CMYA5: variants seen among roughly 807,000 people sequenced by gnomAD.
The protein encoded by CMYA5 is cardiomyopathy associated 5, also known as cardiomyopathy-associated protein 5.
Under a neutral mutation model 318.9 loss-of-function variants are expected in CMYA5, and 246 were observed. The ratio of observed to expected loss-of-function variants is 0.77; its 90% confidence interval spans 0.70 to 0.86. The LOEUF (loss-of-function observed/expected upper bound fraction) is 0.86. Among genes scored for constraint, CMYA5 ranks in the 40% least tolerant of loss-of-function variants. The pLI, the probability that CMYA5 is intolerant of heterozygous loss-of-function variation, is 0.00. For missense variants in CMYA5, 4,589 were observed against 4,678.2 expected (o/e 0.98, Z 0.56); for synonymous variants, 1,641 against 1,729.5 (o/e 0.95, Z 1.27).
At position 79,731,608 on chromosome 5, in the gene CMYA5, A is replaced by T; in HGVS notation, c.2843A>T (p.Asp948Val). 6.2e-7 allele frequency: 1 copy of T among 1,613,620 alleles called. No individual in the cohort carries two copies. Among genetic ancestry groups the T allele is most frequent in the East Asian group, 2.2e-5 (1 of 44,888 alleles). Residue 948 changes from aspartate (D) to valine (V), a missense_variant, in exon 2 of 13, where the codon GAT becomes GTT. Physicochemically the swap from Asp to Val is radical, Grantham distance 152 (BLOSUM62 -3). This residue lies in a region of CMYA5 where 2,132 missense variants were observed against 2,131.3 expected (regional missense o/e 1.00). Transcript: ENST00000446378. ...DQEDIGPFSP[D>V]SAFVSEFSFP... Reference sequence around the variant, plus strand: ...GAAGACATTGGACCTTTTTCTCCAGATTCTGCATTTGTGTCAGAATTCTCA... The same window carrying T: ...GAAGACATTGGACCTTTTTCTCCAGTTTCTGCATTTGTGTCAGAATTCTCA...
rs1026462537 is a variant in CMYA5 at position 79,734,911 on chromosome 5, A to G, written c.6146A>G (p.Gln2049Arg). 4 of 1,613,884 alleles carry G rather than the reference A, an allele frequency of 2.5e-6. No individual in the cohort carries two copies. The highest frequency in any genetic ancestry group is 3.4e-6 in the Non-Finnish European group (4 of 1,179,798). ...AAACTACCTCCTGAAAGATTCTTCC[A>G]GAAACCAGTGTCTGGCCTATCAGTG... ...KIKLPPERFF[Q>R]KPVSGLSVEQ... Residue 2049 changes from glutamine to arginine, a missense_variant, in exon 2 of 13, where the codon CAG (glutamine) becomes CGG (arginine). Transcript: ENST00000446378.
At position 79,738,554 on chromosome 5, in the gene CMYA5, A is replaced by G; in HGVS notation, c.9789A>G (p.Glu3263=). ...AAAAGGACCAGGGCCAAGGTCTGGA[A>G]GAAAAACGAGTTGGTAAGGATGATT... ...LTQKDQGQGL[E]EKRVGKDDSY... is the part of the protein sequence containing the mutation. Residue 3263 remains glutamate (E), a synonymous_variant, in exon 2 of 13, where the codon GAA becomes GAG. Transcript: ENST00000446378. The G allele has an allele frequency of 6.2e-7, 1 of 1,613,558 alleles. No homozygotes were observed. Among genetic ancestry groups the G allele is most frequent in the Non-Finnish European group, 8.5e-7 (1 of 1,179,866 alleles).
chr5:79,738,613 G>A lies in CMYA5; in HGVS notation c.9848G>A (p.Trp3283Ter). Residue 3283 changes from tryptophan (W) to a stop codon, truncating the protein, a stop_gained, in exon 2 of 13, where the codon TGG (tryptophan) becomes TAG (stop). Coordinates refer to ENST00000446378, the MANE Select transcript of CMYA5 (RefSeq NM_153610.5). LOFTEE classifies it high-confidence loss of function. ...CCGATAGCTGCAGAAGGGGAAATTTGGGGAAAGTTTGGAACTATTTGCAGG... is the reference window on the plus strand; with the variant it reads ...CCGATAGCTGCAGAAGGGGAAATTTAGGGAAAGTTTGGAACTATTTGCAGG... ...YQPIAAEGEI[W>*]GKFGTICREK... 6.2e-7 allele frequency: 1 copy of A among 1,613,804 alleles called. No individual in the cohort carries two copies. The highest frequency in any genetic ancestry group is 8.5e-7 in the Non-Finnish European group (1 of 1,179,844).
chr5:79,693,247 A>G (rs1236962360), intron 1 of CMYA5, among the ~76,000 whole-genome samples: 1 of 152,194 alleles, frequency 6.6e-6, no homozygotes, highest in Non-Finnish European at 1.5e-5. Context: ...AGGATTTTAG[A>G]GCTAGCAGAG....
intron 6 of CMYA5, among the ~76,000 whole-genome samples, chr5:79,754,556 A>G (rs1828492305): frequency 1.3e-5 from 2 of 152,300 alleles, no homozygotes; most frequent in South Asian, 4.1e-4. Flanking sequence ...TCTGCCCCAC[A>G]GCGAAAAGGC....
Position 79,736,842 on chromosome 5 carries a change from A to G in CMYA5, c.8077A>G (p.Thr2693Ala). The change falls in exon 2 of 13, where the codon ACT (threonine) becomes GCT (alanine). Residue 2693 changes from threonine (T) to alanine (A), a missense_variant. Physicochemically the swap from Thr to Ala is moderately conservative, Grantham distance 58. This residue lies in a region of CMYA5 where 2,431 missense variants were observed against 2,495.1 expected (regional missense o/e 0.97). Coordinates refer to ENST00000446378, the MANE Select transcript of CMYA5 (RefSeq NM_153610.5). Reference protein sequence around the residue: ...KGGSVDITKETVKQGFQEKAV... With the variant: ...KGGSVDITKEAVKQGFQEKAV... Reference sequence around the variant, plus strand: ...CGGTTCAGTAGATATCACAAAAGAAACTGTGAAACAAGGATTTCAAGAAAA... The same window carrying G: ...CGGTTCAGTAGATATCACAAAAGAAGCTGTGAAACAAGGATTTCAAGAAAA... 1 of 1,611,522 alleles carries G rather than the reference A, an allele frequency of 6.2e-7. No individual in the cohort carries two copies. Among genetic ancestry groups the G allele is most frequent in the South Asian group, 1.1e-5 (1 of 90,968 alleles).
In CMYA5 at chr5:79,738,640, A is replaced by G; in HGVS notation, c.9875A>G (p.Glu3292Gly). The change falls in exon 2 of 13, where the codon GAG (glutamate) becomes GGG (glycine). Residue 3292 changes from glutamate (E) to glycine (G), a missense_variant. Transcript: ENST00000446378. ...GGAAAGTTTGGAACTATTTGCAGGG[A>G]GAAGAGTCTGGAAGAACAGAAAGGT... is the stretch of plus-strand genomic sequence containing the variant. ...IWGKFGTICREKSLEEQKGVY... is the reference protein window; with the variant it reads ...IWGKFGTICRGKSLEEQKGVY... The G allele has an allele frequency of 6.2e-7, 1 of 1,613,902 alleles. No homozygotes were observed. Among genetic ancestry groups the G allele is most frequent in the East Asian group, 2.2e-5 (1 of 44,882 alleles).
At chr5:79,789,534 C>T (rs1829139604) in intron 10 of CMYA5, among the ~76,000 whole-genome samples, 1 of 152,052 alleles carries the variant, frequency 6.6e-6, no homozygotes, top group Admixed American at 6.5e-5. Flanking sequence ...AAGTGATTCT[C>T]ATGCCTCAGC....
Position 79,732,074 on chromosome 5 carries a change from A to G in CMYA5, c.3309A>G (p.Val1103=). Residue 1103 remains valine, a synonymous_variant, in exon 2 of 13, where the codon GTA becomes GTG. Coordinates refer to ENST00000446378, the MANE Select transcript of CMYA5 (RefSeq NM_153610.5). The part of the protein sequence containing the change: ...KPEIPTTSTS[V]SEYLILAQKQ... ...AGATTCCAACAACCTCAACATCTGT[A>G]TCTGAATATCTCATTTTGGCACAGA... is the stretch of plus-strand genomic sequence containing the variant. 6.2e-7 allele frequency: 1 copy of G among 1,613,988 alleles called. No homozygotes were observed. Among genetic ancestry groups the G allele is most frequent in the South Asian group, 1.1e-5 (1 of 91,072 alleles).
intron 2 of CMYA5, among the ~76,000 whole-genome samples, chr5:79,743,303 C>T (rs942361178): frequency 9.2e-5 from 14 of 152,134 alleles, no homozygotes; most frequent in African/African-American, 3.1e-4. Context: ...TATTTTAACC[C>T]TTTGAGGGTC....
intron 9 of CMYA5, among the ~76,000 whole-genome samples, chr5:79,767,540 C>G (rs568871625): frequency 6.6e-6 from 1 of 152,280 alleles, no homozygotes; most frequent in African/African-American, 2.4e-5. Flanking sequence ...TTATTTATTT[C>G]TGACTTAATT....
At chr5:79,718,927 A>G (rs1561200736) in intron 1 of CMYA5, among the ~76,000 whole-genome samples, 1 of 152,156 alleles carries the variant, frequency 6.6e-6, no homozygotes, top group Non-Finnish European at 1.5e-5. Context: ...TCTCTCTGTA[A>G]TAGACTCTAC....
intron 1 of CMYA5, among the ~76,000 whole-genome samples, chr5:79,701,773 A>C (rs1250566475): frequency 6.6e-6 from 1 of 152,244 alleles, no homozygotes; most frequent in Admixed American, 6.5e-5. Context: ...ATTAATATTC[A>C]TAGCATCATT....
chr5:79,750,399 T>C (rs1039970121), intron 5 of CMYA5, among the ~76,000 whole-genome samples: 1 of 152,220 alleles, frequency 6.6e-6, no homozygotes, highest in Admixed American at 6.5e-5. Flanking sequence ...CTTGAGGTTA[T>C]TGGTAAGGCT....
intron 9 of CMYA5, among the ~76,000 whole-genome samples, chr5:79,785,645 CTTA>C (rs1829070378): frequency 6.6e-6 from 1 of 151,948 alleles, no homozygotes; most frequent in Non-Finnish European, 1.5e-5. Context: ...ACTGAATTCT[CTTA>C]TTATGTAAGA....
rs1348484592 is a variant in CMYA5, at chr5:79,732,457, CAA to C, written c.3694_3695del (p.Asn1232CysfsTer5). 3 of 1,613,102 alleles carry C rather than the reference CAA, an allele frequency of 1.9e-6. No homozygotes were observed. The highest frequency in any genetic ancestry group is 2.5e-6 in the Non-Finnish European group (3 of 1,179,592). ...GATCAAAAAATGGAGCCTCAGCCTC[CAA>C]ATGTTCCAGAGTCTGAGATGAAATA... On this transcript the variant is annotated frameshift_variant, in exon 2 of 13. Transcript: ENST00000446378. LOFTEE classifies it high-confidence loss of function.
chr5:79,740,436 A>C (rs1828188095), intron 2 of CMYA5, among the ~76,000 whole-genome samples: 1 of 152,232 alleles, frequency 6.6e-6, no homozygotes, highest in African/African-American at 2.4e-5. Context: ...CTTCCTATTT[A>C]TCTACAATAT....
rs774818268 is a variant in CMYA5, at chr5:79,738,132, A to C, written c.9367A>C (p.Asn3123His). The change falls in exon 2 of 13, where the codon AAC (asparagine) becomes CAC (histidine). Residue 3123 changes from asparagine to histidine, a missense_variant. Coordinates refer to ENST00000446378, the MANE Select transcript of CMYA5 (RefSeq NM_153610.5). ...ESFYGPEKGH[N>H]ILSHPETQSQ... Reference sequence around the variant, plus strand: ...TTTTTATGGACCAGAAAAGGGCCACAACATATTATCTCATCCAGAGACCCA... The same window carrying C: ...TTTTTATGGACCAGAAAAGGGCCACCACATATTATCTCATCCAGAGACCCA... The C allele has an allele frequency of 6.2e-7, 1 of 1,613,852 alleles. No individual in the cohort carries two copies.
chr5:79,790,855 G>T (rs1053361262), intron 10 of CMYA5, 115 bp from the exon 11 acceptor site: 3 of 674,922 alleles, frequency 4.4e-6, no homozygotes, highest in South Asian at 1.9e-5. Flanking sequence ...AAGACACTTC[G>T]TGGGGGATTT....
Sources: allele counts gnomAD v4.1 joint callset (sites outside exome capture counted in the v4.1 genomes callset), GRCh38; gene constraint gnomAD v4.1.1; regional missense constraint gnomAD v4.1.1; transcripts MANE v1.5; gene names NCBI Gene and HGNC (gene_info 2026-07-23, HGNC 2026-07-21).